The following LIN52 variants were observed in gnomAD, a reference collection of about 807,000 sequenced individuals.
LIN52 encodes the protein lin-52 DREAM MuvB core complex component, also known as protein lin-52 homolog.
Under a neutral mutation model 18.5 loss-of-function variants are expected in LIN52, and 4 were observed. The observed-to-expected ratio is 0.22, with a 90% confidence interval of 0.11 to 0.49. The LOEUF (loss-of-function observed/expected upper bound fraction) is 0.49, where lower values mean the gene tolerates loss of function less well. Ranked by LOEUF, LIN52 falls within the 20% of genes least tolerant of loss-of-function variation. The pLI is 0.97. For missense variants in LIN52, 102 were observed against 139.5 expected, an observed-to-expected ratio of 0.73 and a Z score of 1.35; for synonymous variants, 34 against 45.5, an observed-to-expected ratio of 0.75 and a Z score of 1.02.
intron 5 of LIN52, among the ~76,000 whole-genome samples, chr14:74,178,076 G>A (rs2061301535): frequency 1.3e-5 from 2 of 152,096 alleles, no homozygotes; most frequent in Non-Finnish European, 2.9e-5. Flanking sequence ...CACTGCACCC[G>A]GCCTGTTGTT....
At chr14:74,162,962 G>A (rs2061232392) in intron 5 of LIN52, among the ~76,000 whole-genome samples, 1 of 152,178 alleles carries the variant, frequency 6.6e-6, no homozygotes, top group Non-Finnish European at 1.5e-5. Flanking sequence ...CTATACGAAT[G>A]CATGTTGAAT....
intron 5 of LIN52, among the ~76,000 whole-genome samples, chr14:74,173,564 A>G (rs765519234): frequency 2.6e-5 from 4 of 152,198 alleles, no homozygotes; most frequent in Non-Finnish European, 4.4e-5. Context: ...AGTTTGTTAA[A>G]TGTTTTTGTA....
chr14:74,149,204 A>T lies in LIN52; in HGVS notation c.283+47966A>T, dbSNP rs551728955. ...TGGAAAGATTAGGCAGCATGGTTTT[A>T]AAAATTCACAGCAACACTGATGTAT... On this transcript the variant is annotated intron_variant, in intron 5 of 5. Coordinates refer to ENST00000555028, the MANE Select transcript of LIN52 (RefSeq NM_001024674.3). Among the ~76,000 whole-genome samples, 3 of 152,264 alleles carry T rather than the reference A, an allele frequency of 2.0e-5. No individual in the cohort carries two copies. In the East Asian group the frequency reaches 5.8e-4, roughly 29 times the overall value.
chr14:74,172,795 A>C (rs747709816), intron 5 of LIN52, among the ~76,000 whole-genome samples: 10 of 152,250 alleles, frequency 6.6e-5, no homozygotes. Context: ...ACAGGACTGA[A>C]TGGCAACCAT....
chr14:74,181,755 C>G (rs2061319715), intron 5 of LIN52, among the ~76,000 whole-genome samples: 1 of 152,004 alleles, frequency 6.6e-6, no homozygotes, highest in Non-Finnish European at 1.5e-5. Context: ...TATTCAGAAA[C>G]ATCAATATCA....
intron 5 of LIN52, among the ~76,000 whole-genome samples, chr14:74,189,874 G>A (rs1308797740): frequency 6.6e-6 from 1 of 152,074 alleles, no homozygotes; most frequent in Non-Finnish European, 1.5e-5. Flanking sequence ...TTGTTTACCT[G>A]CACATTGAGT....
chr14:74,088,274 A>G (rs1431052465), intron 1 of LIN52, among the ~76,000 whole-genome samples: 1 of 152,110 alleles, frequency 6.6e-6, no homozygotes. Context: ...TATTTTGAGT[A>G]GAGACGGGGT....
chr14:74,176,889 C>T (rs1176628096), intron 5 of LIN52, among the ~76,000 whole-genome samples: 1 of 152,216 alleles, frequency 6.6e-6, no homozygotes, highest in East Asian at 1.9e-4. Flanking sequence ...TAACCACTAA[C>T]CTATTTTCTA....
rs2078932698 is a variant in LIN52, at chr14:74,199,210, C to T, written c.*233C>T. ...ACTCAATCAACTTTCAGACTTGAACCTTCTTAGCCTCGGATATTGGTAACA... is the reference window on the plus strand; with the variant it reads ...ACTCAATCAACTTTCAGACTTGAACTTTCTTAGCCTCGGATATTGGTAACA... On this transcript the variant is annotated 3_prime_UTR_variant, in exon 6 of 6. Coordinates refer to ENST00000555028, the MANE Select transcript of LIN52 (RefSeq NM_001024674.3). 7.2e-6 allele frequency: 3 copies of T among 416,542 alleles called. No homozygotes were observed. The highest frequency in any genetic ancestry group is 1.3e-5 in the Non-Finnish European group (3 of 234,164). 25.8% of individuals were successfully genotyped at this position (416,542 alleles called of 1,614,324 possible).
chr14:74,131,318 A>G (rs1467193163), intron 5 of LIN52, among the ~76,000 whole-genome samples: 1 of 137,422 alleles, frequency 7.3e-6, no homozygotes, highest in African/African-American at 2.6e-5. Flanking sequence ...TATTTAAGTG[A>G]CTTTTTTTTT....
At chr14:74,111,606 GTATTTATTTATTTATTTATT>G (rs3082883) in intron 5 of LIN52, among the ~76,000 whole-genome samples, 6 of 138,026 alleles carry the variant, frequency 4.3e-5, no homozygotes, top group African/African-American at 8.0e-5. Context: ...CCTGCCCCTG[GTATTTATTTATTTATTTATT>G]TATTTATTTA....
intron 5 of LIN52, among the ~76,000 whole-genome samples, chr14:74,160,337 T>G (rs11850755): frequency 0.019 from 2,847 of 152,270 alleles, 90 homozygotes; most frequent in African/African-American, 0.065. Context: ...TGCTGTATGA[T>G]GTACTTGTGT....
At chr14:74,114,603 A>C (rs12147794) in intron 5 of LIN52, among the ~76,000 whole-genome samples, 34,130 of 152,030 alleles carry the variant, frequency 0.22, 4,157 homozygotes, top group South Asian at 0.46. Flanking sequence ...TAACAACAAC[A>C]ACAACAACAA....
intron 5 of LIN52, among the ~76,000 whole-genome samples, chr14:74,197,558 T>C (rs2078921863): frequency 6.6e-6 from 1 of 152,168 alleles, no homozygotes; most frequent in South Asian, 2.1e-4. Context: ...GGAACTTTCT[T>C]GTACAGGATT....
chr14:74,107,093 G>A (rs1033630529), intron 5 of LIN52, among the ~76,000 whole-genome samples: 5 of 152,132 alleles, frequency 3.3e-5, no homozygotes, highest in Non-Finnish European at 5.9e-5. Context: ...CTGAAGCTTC[G>A]GGAAATTGTT....
At chr14:74,087,430 A>G (rs2060740840) in intron 1 of LIN52, among the ~76,000 whole-genome samples, 1 of 143,264 alleles carries the variant, frequency 7.0e-6, no homozygotes, top group Admixed American at 6.9e-5. Context: ...AAAAAAAAAA[A>G]AAAAAATTAA....
intron 1 of LIN52, 35 bp from the exon 2 acceptor site, chr14:74,091,197 C>T (rs200421916): frequency 2.2e-5 from 33 of 1,486,974 alleles, no homozygotes; most frequent in Non-Finnish European, 1.6e-5. Flanking sequence ...AATGTGTTTC[C>T]TGTCTTCTTG....
chr14:74,175,349 T>C (rs148101385), intron 5 of LIN52, among the ~76,000 whole-genome samples: 1 of 152,070 alleles, frequency 6.6e-6, no homozygotes, highest in African/African-American at 2.4e-5. Flanking sequence ...GGCTCATGTT[T>C]ATAATCTCAG....
chr14:74,093,664 C>A (rs936195080), intron 2 of LIN52, among the ~76,000 whole-genome samples: 3 of 152,162 alleles, frequency 2.0e-5, no homozygotes, highest in African/African-American at 4.8e-5. Context: ...CGTACAAATC[C>A]TTGTAAAAGG....
Sources: gnomAD v4.1 joint callset for allele counts (sites outside exome capture counted in the v4.1 genomes callset) on GRCh38, gnomAD v4.1.1 for gene constraint, MANE v1.5 for transcripts, NCBI Gene and HGNC (gene_info 2026-07-23, HGNC 2026-07-21) for gene names.